The following PVR variants were observed in gnomAD, a reference collection of about 807,000 sequenced individuals.
PVR encodes the protein poliovirus receptor.
In PVR, 39 loss-of-function variants were observed where a neutral mutation model predicts 43.3. That is an observed-to-expected ratio of 0.90 (90% confidence interval 0.70 to 1.18). The LOEUF (loss-of-function observed/expected upper bound fraction) is 1.18, where lower values mean the gene tolerates loss of function less well. PVR is among the 50% of genes most tolerant of loss of function. The probability of loss-of-function intolerance (pLI) is 0.00; values close to 1 mark genes in which losing one functional copy is unlikely to be tolerated. For synonymous variants in PVR, 224 were observed against 233.2 expected (o/e 0.96, Z 0.36); for missense variants, 480 against 549.7 (o/e 0.87, Z 1.27).
Position 44,657,196 on chromosome 19 carries a change from C to G in PVR, c.843-566C>G, listed in dbSNP as rs563633018. 2.2e-4 allele frequency among the ~76,000 whole-genome samples: 33 copies of G among 152,298 alleles called. 1 individual carries two copies. In the South Asian group the frequency reaches 5.6e-3, roughly 26 times the overall value. ...ATCAGTCCCTGCATAAGCAAACACCCTGGACACCTAACTGGAGAGTTTGAG... is the reference window on the plus strand; with the variant it reads ...ATCAGTCCCTGCATAAGCAAACACCGTGGACACCTAACTGGAGAGTTTGAG... On this transcript the variant is annotated intron_variant, in intron 4 of 7. Transcript: ENST00000425690.
In PVR at chr19:44,665,356, A is replaced by T. The variant is rs1262034175; in HGVS notation, c.*3545A>T. 6 of 152,106 alleles carry T rather than the reference A, an allele frequency of 3.9e-5. No homozygotes were observed. The highest frequency in any genetic ancestry group is 8.8e-5 in the Non-Finnish European group (6 of 68,040). The allele number at this position is 152,106 out of a possible 1,614,324, so 9.4% of individuals were successfully genotyped here. Reference sequence around the variant, plus strand: ...GCTACTGAAATCTAACTTTTTACAAAAAATTACGGGCTGGGCGCAGTGGCT... The same window carrying T: ...GCTACTGAAATCTAACTTTTTACAATAAATTACGGGCTGGGCGCAGTGGCT... On this transcript the variant is annotated 3_prime_UTR_variant, in exon 8 of 8. Transcript: ENST00000425690.
chr19:44,661,860 G>C lies in PVR; in HGVS notation c.*49G>C. The C allele has an allele frequency of 1.3e-6, 2 of 1,569,012 alleles. No individual in the cohort carries two copies. Among genetic ancestry groups the C allele is most frequent in the Non-Finnish European group, 1.8e-6 (2 of 1,141,708 alleles). On this transcript the variant is annotated 3_prime_UTR_variant, in exon 8 of 8. Transcript: ENST00000425690. ...AGAGACTGGAGCTGGCAAGGACGTG[G>C]GCCTCCAGAGTTGGACCCGACCCCA...
chr19:44,658,123 G>A (rs573066229), intron 5 of PVR, among the ~76,000 whole-genome samples: 2 of 152,278 alleles, frequency 1.3e-5, no homozygotes, highest in Non-Finnish European at 2.9e-5. Context: ...CACAGGTTGG[G>A]ATAGATGTGG....
chr19:44,649,786 G>A (rs1973227056), intron 2 of PVR, 23 bp from the exon 3 acceptor site: 1 of 1,610,706 alleles, frequency 6.2e-7, no homozygotes, highest in Non-Finnish European at 8.5e-7. Context: ...TGAATGACTT[G>A]TTGCTTTTGT....
chr19:44,649,980 T>A lies in PVR; in HGVS notation c.599T>A (p.Val200Asp). 6.2e-7 allele frequency: 1 copy of A among 1,607,902 alleles called. No individual in the cohort carries two copies. The highest frequency in any genetic ancestry group is 8.5e-7 in the Non-Finnish European group (1 of 1,176,044). Residue 200 changes from valine to aspartate, a missense_variant, in exon 3 of 8, where the codon GTC (valine) becomes GAC (aspartate). Physicochemically the swap from Val to Asp is radical, Grantham distance 152. Transcript: ENST00000425690. ...SQVPGFLSGT[V>D]TVTSLWILVP... ...GTGCCAGGGTTCCTGTCTGGCACAG[T>A]CACTGTCACCAGCCTCTGGATATTG...
chr19:44,650,137 C>A, intron 3 of PVR, 32 bp downstream of exon 3: 1 of 1,495,474 alleles, frequency 6.7e-7, no homozygotes, highest in Admixed American at 2.3e-5. Flanking sequence ...ATGGCAAGAA[C>A]CCCTGCCGGG....
At position 44,644,105 on chromosome 19, in the gene PVR, A is replaced by C. The variant is rs1272001753; in HGVS notation, c.9A>C (p.Arg3=). ...TGCTCGGAGCAACTGGCATGGCCCG[A>C]GCCATGGCCGCCGCGTGGCCGCTGC... MA[R]AMAAAWPLLL... is the part of the protein sequence containing the mutation. Residue 3 remains arginine (R), a synonymous_variant, in exon 1 of 8, where the codon CGA becomes CGC. Transcript: ENST00000425690. 1.4e-5 allele frequency: 21 copies of C among 1,517,596 alleles called. No individual in the cohort carries two copies. Among genetic ancestry groups the C allele is most frequent in the Non-Finnish European group, 1.8e-5 (21 of 1,138,708 alleles). The allele number at this position is 1,517,596 out of a possible 1,614,324, so 94.0% of individuals were successfully genotyped here.
rs534809961 is a variant in PVR at position 44,643,980 on chromosome 19, C to A, written c.-117C>A. The A allele has an allele frequency of 2.8e-4, 215 of 766,058 alleles. No homozygotes were observed. The African/African-American group carries it at 3.6e-3, about 13-fold the overall frequency. 47.5% of individuals were successfully genotyped at this position (766,058 alleles called of 1,614,324 possible). ...CCCAGGCACTGGAGGAGCGGCCCCC[C>A]GGGGATTCCAGGACCTGAGCTCCGG... On this transcript the variant is annotated 5_prime_UTR_variant, in exon 1 of 8. Coordinates refer to ENST00000425690, the MANE Select transcript of PVR (RefSeq NM_006505.5).
At chr19:44,644,572 A>G (rs568177534) in intron 1 of PVR, among the ~76,000 whole-genome samples, 2 of 152,188 alleles carry the variant, frequency 1.3e-5, no homozygotes, top group African/African-American at 4.8e-5. Context: ...CCCAGGCCAT[A>G]ACCCAGCAGC....
chr19:44,650,783 G>A (rs71362702), intron 3 of PVR, among the ~76,000 whole-genome samples: 11 of 151,686 alleles, frequency 7.3e-5, no homozygotes, highest in African/African-American at 2.2e-4. Context: ...GGCTGGTTTC[G>A]AACTCCTGAC....
rs1446641921 is a variant in PVR at position 44,661,331 on chromosome 19, C to A, written c.1182+8C>A. ...AGCGCCTCAGCTAATGGGGTAAGTG[C>A]AGTGTTGGAGCTAAGGAGGGTGTGG... On this transcript the variant is annotated splice_region_variant and intron_variant, in intron 7 of 7. Transcript: ENST00000425690. 1 of 1,613,674 alleles carries A rather than the reference C, an allele frequency of 6.2e-7. No homozygotes were observed. The highest frequency in any genetic ancestry group is 8.5e-7 in the Non-Finnish European group (1 of 1,179,620).
chr19:44,647,083 T>TCCCCC, intron 1 of PVR, 140 bp from the exon 2 acceptor site: 3 of 30,342 alleles, frequency 9.9e-5, no homozygotes, highest in South Asian at 6.0e-4. Context: ...CAGTTCCCCC[T>TCCCCC]CCCCCCACAC....
At chr19:44,648,166 A>C (rs1210816655) in intron 2 of PVR, among the ~76,000 whole-genome samples, 2 of 152,088 alleles carry the variant, frequency 1.3e-5, no homozygotes, top group Non-Finnish European at 2.9e-5. Context: ...CATCATTATC[A>C]CCTGTTGACA....
In PVR at chr19:44,647,435, A is replaced by G; in HGVS notation, c.292A>G (p.Arg98Gly). 2 of 1,614,042 alleles carry G rather than the reference A, an allele frequency of 1.2e-6. No homozygotes were observed. The highest frequency in any genetic ancestry group is 1.7e-6 in the Non-Finnish European group (2 of 1,179,986). Reference protein sequence around the residue: ...ESKRLEFVAARLGAELRNASL... With the variant: ...ESKRLEFVAAGLGAELRNASL... ...CAAACGGCTGGAATTCGTGGCAGCC[A>G]GACTGGGCGCGGAGCTGCGGAATGC... is the stretch of plus-strand genomic sequence containing the variant. Residue 98 changes from arginine (R) to glycine (G), a missense_variant, in exon 2 of 8, where the codon AGA (arginine) becomes GGA (glycine). By Grantham distance (125) the Arg-to-Gly change is moderately radical. Coordinates refer to ENST00000425690, the MANE Select transcript of PVR (RefSeq NM_006505.5).
intron 6 of PVR, 99 bp from the exon 7 acceptor site, chr19:44,661,193 A>G: frequency 8.7e-7 from 1 of 1,145,326 alleles, no homozygotes. Context: ...TAGCAGAGGC[A>G]GAACTTGACA....
chr19:44,654,087 G>A (rs893167037), intron 4 of PVR, 70 bp downstream of exon 4: 8 of 1,284,200 alleles, frequency 6.2e-6, no homozygotes, highest in South Asian at 1.2e-5. Context: ...GAGGGGCTGG[G>A]GGCCTGGACT....
intron 6 of PVR, 193 bp downstream of exon 6, chr19:44,659,093 G>A (rs1160548628): frequency 1.7e-6 from 1 of 573,318 alleles, no homozygotes; most frequent in Non-Finnish European, 3.0e-6. Flanking sequence ...TACAGAGTGG[G>A]AGAAGAGCGT....
intron 1 of PVR, among the ~76,000 whole-genome samples, chr19:44,645,431 A>ATATATATATATG (rs1973086755): frequency 8.7e-6 from 1 of 114,580 alleles, no homozygotes; most frequent in African/African-American, 3.9e-5. Flanking sequence ...ATATATATAT[A>ATATATATATATG]TATATATATA....
rs776891074 is a variant in PVR at position 44,663,941 on chromosome 19, C to T, written c.*2130C>T. 3.0e-4 allele frequency among the ~76,000 whole-genome samples: 46 copies of T among 152,000 alleles called. No homozygotes were observed. The highest frequency in any genetic ancestry group is 2.5e-4 in the Non-Finnish European group (17 of 68,000). The stretch of plus-strand genomic sequence containing the variant: ...AGCTAATTTTTTTAATTAGATAGTA[C>T]ATAAACGTCCCAAAATTAGAAGATA... On this transcript the variant is annotated 3_prime_UTR_variant, in exon 8 of 8. Transcript: ENST00000425690.
Sources: gnomAD v4.1 joint callset for allele counts (sites outside exome capture counted in the v4.1 genomes callset) on GRCh38, gnomAD v4.1.1 for gene constraint, MANE v1.5 for transcripts, NCBI Gene and HGNC (gene_info 2026-07-23, HGNC 2026-07-21) for gene names.